The following DHX9 variants were observed in gnomAD, a reference collection of about 807,000 sequenced individuals.
The protein encoded by DHX9 is DExH-box helicase 9, also known as ATP-dependent RNA helicase A.
DHX9 carries 27 observed loss-of-function variants against 148.7 expected under a neutral mutation model. The ratio of observed to expected loss-of-function variants is 0.18; its 90% CI spans 0.13 to 0.25. The LOEUF (loss-of-function observed/expected upper bound fraction) is 0.25. Among genes scored for constraint, DHX9 ranks in the 10% least tolerant of loss-of-function variants. DHX9 has a pLI of 1.00. For synonymous variants in DHX9, 529 were observed against 516.6 expected (o/e 1.02, Z -0.33); for missense variants, 796 against 1,559.6 (o/e 0.51, Z 8.25).
intron 14 of DHX9, among the ~76,000 whole-genome samples, chr1:182,869,283 T>C (rs553660198): frequency 5.2e-4 from 79 of 152,244 alleles, no homozygotes; most frequent in African/African-American, 1.9e-3. Flanking sequence ...TGACCGGTCT[T>C]ATCCGGTTCG....
chr1:182,856,663 A>C (rs1668256360), intron 7 of DHX9, 85 bp downstream of exon 7: 2 of 1,165,130 alleles, frequency 1.7e-6, no homozygotes, highest in Non-Finnish European at 2.5e-6. Flanking sequence ...ACGTATACAG[A>C]AGCTGTATTA....
intron 21 of DHX9, among the ~76,000 whole-genome samples, chr1:182,879,756 C>A (rs761539670): frequency 6.6e-6 from 1 of 152,084 alleles, no homozygotes; most frequent in Non-Finnish European, 1.5e-5. Flanking sequence ...GACGGAATCT[C>A]GCTCCATTGC....
At chr1:182,866,322 TTGTTTC>T in intron 12 of DHX9, 116 bp from the exon 13 acceptor site, 6 of 970,964 alleles carry the variant, frequency 6.2e-6, no homozygotes, top group Non-Finnish European at 9.0e-6. Flanking sequence ...TGTACATTTA[TTGTTTC>T]TGTTAATTAT....
At chr1:182,845,477 C>T (rs1401179091) in intron 3 of DHX9, among the ~76,000 whole-genome samples, 1 of 150,670 alleles carries the variant, frequency 6.6e-6, no homozygotes, top group Non-Finnish European at 1.5e-5. Flanking sequence ...CAACAATCAA[C>T]AAAGAAGATT....
At chr1:182,884,852 G>A (rs1314953941) in intron 27 of DHX9, 39 bp downstream of exon 27, 6 of 1,598,206 alleles carry the variant, frequency 3.8e-6, no homozygotes, top group Admixed American at 1.7e-5. Context: ...CAAGTAGAGG[G>A]GAGAGATCTT....
chr1:182,849,082 C>A (rs997694392), intron 3 of DHX9, among the ~76,000 whole-genome samples: 1 of 152,210 alleles, frequency 6.6e-6, no homozygotes, highest in African/African-American at 2.4e-5. Context: ...CTGTTACCAG[C>A]TACCATCTTT....
chr1:182,882,374 A>C (rs1253477585), intron 24 of DHX9, among the ~76,000 whole-genome samples: 1 of 152,204 alleles, frequency 6.6e-6, no homozygotes, highest in South Asian at 2.1e-4. Flanking sequence ...GTTGACTGTC[A>C]TGCTTTCCAG....
intron 3 of DHX9, among the ~76,000 whole-genome samples, chr1:182,848,409 A>G (rs1393799060): frequency 6.6e-6 from 1 of 152,266 alleles, no homozygotes; most frequent in African/African-American, 2.4e-5. Flanking sequence ...AGAATTAACC[A>G]GCCTAAAATG....
intron 20 of DHX9, 125 bp downstream of exon 20, chr1:182,878,298 G>T: frequency 1.9e-6 from 2 of 1,080,028 alleles, no homozygotes; most frequent in East Asian, 2.5e-5. Context: ...GTTGGAATCA[G>T]GTGTAAATGT....
intron 12 of DHX9, among the ~76,000 whole-genome samples, chr1:182,861,625 A>G (rs1354094477): frequency 6.6e-6 from 1 of 152,234 alleles, no homozygotes; most frequent in Non-Finnish European, 1.5e-5. Context: ...AGGAGTCTCA[A>G]GTTGTCTGCA....
At chr1:182,869,700 CCT>C (rs2102610494) in intron 14 of DHX9, among the ~76,000 whole-genome samples, 1 of 152,336 alleles carries the variant, frequency 6.6e-6, no homozygotes, top group East Asian at 1.9e-4. Context: ...AACCTCCGCC[CCT>C]GAGTTCAGGC....
intron 7 of DHX9, among the ~76,000 whole-genome samples, 177 bp from the exon 8 acceptor site, chr1:182,857,927 C>G (rs756036208): frequency 3.3e-5 from 5 of 152,142 alleles, no homozygotes; most frequent in Non-Finnish European, 7.3e-5. Flanking sequence ...AGTTGATAAG[C>G]TGTTTGGCAA....
At chr1:182,859,706 T>C (rs891276585) in intron 11 of DHX9, among the ~76,000 whole-genome samples, 6 of 151,988 alleles carry the variant, frequency 3.9e-5, no homozygotes, top group African/African-American at 1.2e-4. Context: ...TCCGCCTCCT[T>C]GGTTCAAGCA....
chr1:182,841,461 A>T (rs138455374), intron 1 of DHX9, among the ~76,000 whole-genome samples: 2 of 152,210 alleles, frequency 1.3e-5, no homozygotes, highest in African/African-American at 4.8e-5. Context: ...TTGTTGTTTA[A>T]TTATTCACGA....
intron 14 of DHX9, among the ~76,000 whole-genome samples, chr1:182,867,675 T>G (rs556174557): frequency 6.6e-6 from 1 of 152,314 alleles, no homozygotes; most frequent in African/African-American, 2.4e-5. Flanking sequence ...AATGCTGGGA[T>G]TACAGGCATG....
intron 1 of DHX9, 49 bp from the exon 2 acceptor site, chr1:182,842,496 A>G (rs1389836854): frequency 4.7e-5 from 50 of 1,062,672 alleles, no homozygotes; most frequent in Non-Finnish European, 6.5e-5. Flanking sequence ...GGTTCCTCCC[A>G]GTTTTTGCTA....
At position 182,858,159 on chromosome 1, in the gene DHX9, C is replaced by T. The variant is rs952864538; in HGVS notation, c.729C>T (p.Ala243=). 2 of 1,613,842 alleles carry T rather than the reference C, an allele frequency of 1.2e-6. No individual in the cohort carries two copies. Among genetic ancestry groups the T allele is most frequent in the Admixed American group, 1.7e-5 (1 of 59,986 alleles). The change falls in exon 8 of 28, where the codon GCC becomes GCT. Residue 243 remains alanine, a synonymous_variant. Coordinates refer to ENST00000367549, the MANE Select transcript of DHX9 (RefSeq NM_001357.5). The part of the protein sequence containing the change: ...SNKKLAAQSC[A]LSLVRQLYHL... ...AGAAATTGGCAGCACAGTCCTGTGCCCTGTCACTTGTCAGACAACTGTACC... is the reference window on the plus strand; with the variant it reads ...AGAAATTGGCAGCACAGTCCTGTGCTCTGTCACTTGTCAGACAACTGTACC...
Position 182,842,674 on chromosome 1 carries a change from T to C in DHX9, c.108T>C (p.Cys36=). 1 of 1,610,298 alleles carries C rather than the reference T, an allele frequency of 6.2e-7. No individual in the cohort carries two copies. The highest frequency in any genetic ancestry group is 8.5e-7 in the Non-Finnish European group (1 of 1,177,072). ...VGNKNRQKFM[C]EVQVEGYNYT... ...ACAAAAACAGGCAGAAATTCATGTG[T>C]GAGGTACTGAAGAATACAGTTTGCA... The change falls in exon 2 of 28, where the codon TGT becomes TGC. Residue 36 remains cysteine (C), a synonymous_variant. Transcript: ENST00000367549.
At chr1:182,874,164 C>A (rs1254391473) in intron 15 of DHX9, among the ~76,000 whole-genome samples, 1 of 152,160 alleles carries the variant, frequency 6.6e-6, no homozygotes, top group Non-Finnish European at 1.5e-5. Flanking sequence ...CACTACCTAA[C>A]CCCTGAGTGG....
Sources: allele counts gnomAD v4.1 joint callset (sites outside exome capture counted in the v4.1 genomes callset), GRCh38; gene constraint gnomAD v4.1.1; transcripts MANE v1.5; gene names NCBI Gene and HGNC (gene_info 2026-07-23, HGNC 2026-07-21).